Variants in SMYD3 observed in about 807,000 individuals in gnomAD.
The protein encoded by SMYD3 is histone-lysine N-methyltransferase SMYD3.
In SMYD3, 36 loss-of-function variants were observed where a neutral mutation model predicts 57.7. That is an observed-to-expected ratio of 0.62 (90% confidence interval 0.48 to 0.82). The LOEUF is 0.82. Among genes scored for constraint, SMYD3 ranks in the 40% least tolerant of loss-of-function variants. The probability of loss-of-function intolerance (pLI) is 0.00; values close to 1 mark genes in which losing one functional copy is unlikely to be tolerated. For synonymous variants in SMYD3, 211 were observed against 195.0 expected (o/e 1.08, Z -0.68); for missense variants, 515 against 538.8 (o/e 0.96, Z 0.44).
chr1:245,888,263 A>G (rs2053193943), intron 8 of SMYD3, among the ~76,000 whole-genome samples: 1 of 152,068 alleles, frequency 6.6e-6, no homozygotes, highest in Admixed American at 6.6e-5. Context: ...CAAAATATCT[A>G]TTTTTCCTGT....
chr1:246,216,874 A>T (rs1052184143), intron 5 of SMYD3, among the ~76,000 whole-genome samples: 2 of 152,068 alleles, frequency 1.3e-5, no homozygotes, highest in Non-Finnish European at 2.9e-5. Flanking sequence ...CTTGACGGAG[A>T]CGTGGGCACA....
chr1:246,114,725 G>C (rs1375963328), intron 5 of SMYD3, among the ~76,000 whole-genome samples: 1 of 152,178 alleles, frequency 6.6e-6, no homozygotes, highest in Non-Finnish European at 1.5e-5. Flanking sequence ...CTGCCTACCA[G>C]GTTCAAGCAA....
chr1:245,882,481 G>A (rs984663398), intron 8 of SMYD3, among the ~76,000 whole-genome samples: 11 of 152,128 alleles, frequency 7.2e-5, no homozygotes, highest in African/African-American at 2.4e-4. Context: ...TATAATTTTG[G>A]GTAATAGTTC....
chr1:245,800,211 T>C (rs1454471098), intron 10 of SMYD3, among the ~76,000 whole-genome samples: 1 of 152,076 alleles, frequency 6.6e-6, no homozygotes, highest in African/African-American at 2.4e-5. Context: ...GGCCAGCCCC[T>C]CCGGTAGTTC....
At chr1:246,110,901 ACCATGTT>A (rs1201099462) in intron 5 of SMYD3, among the ~76,000 whole-genome samples, 14 of 152,104 alleles carry the variant, frequency 9.2e-5, no homozygotes, top group Non-Finnish European at 1.6e-4. Context: ...TAAACCATGA[ACCATGTT>A]CATGGTTTAG....
intron 8 of SMYD3, among the ~76,000 whole-genome samples, chr1:245,900,609 C>G (rs1572634274): frequency 1.3e-5 from 2 of 152,218 alleles, no homozygotes; most frequent in East Asian, 3.8e-4. Flanking sequence ...TGCACCCCAC[C>G]TACTAAAGCT....
intron 1 of SMYD3, among the ~76,000 whole-genome samples, chr1:246,387,102 T>G (rs1439787831): frequency 2.0e-5 from 3 of 152,130 alleles, no homozygotes. Flanking sequence ...GAAATACTAT[T>G]AAGAAATAAT....
intron 1 of SMYD3, among the ~76,000 whole-genome samples, chr1:246,376,602 A>AAAAC (rs1480804736): frequency 6.6e-6 from 1 of 151,136 alleles, no homozygotes; most frequent in Admixed American, 6.6e-5. Flanking sequence ...AAAAAAAAAA[A>AAAAC]AAAAAAAACT....
chr1:246,260,115 C>A (rs186305156), intron 5 of SMYD3, among the ~76,000 whole-genome samples: 12 of 152,196 alleles, frequency 7.9e-5, no homozygotes, highest in Admixed American at 7.8e-4. Context: ...GATCTCTGCA[C>A]GGGAAGGATG....
chr1:246,160,101 C>T (rs537081145), intron 5 of SMYD3, among the ~76,000 whole-genome samples: 87 of 152,292 alleles, frequency 5.7e-4, no homozygotes, highest in Admixed American at 1.6e-3. Context: ...ATGCCTGTAA[C>T]CCCTGTACTC....
intron 5 of SMYD3, among the ~76,000 whole-genome samples, chr1:246,090,520 CTCT>C (rs1272340530): frequency 1.4e-5 from 2 of 139,826 alleles, no homozygotes; most frequent in Admixed American, 1.5e-4. Context: ...CTTTCTCTCT[CTCT>C]TTTTTTTTTT....
intron 5 of SMYD3, among the ~76,000 whole-genome samples, chr1:246,316,152 A>C: frequency 6.6e-6 from 1 of 152,256 alleles, no homozygotes; most frequent in Non-Finnish European, 1.5e-5. Context: ...AACCTGAGTT[A>C]CATAACCACA....
At chr1:246,190,610 G>C (rs1281915292) in intron 5 of SMYD3, among the ~76,000 whole-genome samples, 1 of 134,648 alleles carries the variant, frequency 7.4e-6, no homozygotes, top group Non-Finnish European at 1.6e-5. Context: ...AAAAAAAAAG[G>C]AAGCATGGGA....
At chr1:245,773,090 T>TAAAAA (rs34679948) in intron 10 of SMYD3, among the ~76,000 whole-genome samples, 2 of 86,254 alleles carry the variant, frequency 2.3e-5, no homozygotes, top group African/African-American at 7.8e-5. Flanking sequence ...GGAGAATCAC[T>TAAAAA]AAAAAAAAAA....
chr1:246,411,672 G>C (rs1235788104), intron 1 of SMYD3, among the ~76,000 whole-genome samples: 2 of 152,182 alleles, frequency 1.3e-5, no homozygotes, highest in East Asian at 3.9e-4. Flanking sequence ...CATGCCCTTT[G>C]TAGGGACATG....
intron 2 of SMYD3, among the ~76,000 whole-genome samples, chr1:246,348,671 C>G (rs1397890677): frequency 6.6e-6 from 1 of 152,094 alleles, no homozygotes; most frequent in Non-Finnish European, 1.5e-5. Context: ...TTTTGGGTGA[C>G]AGGTTCAATC....
intron 5 of SMYD3, among the ~76,000 whole-genome samples, chr1:246,011,717 T>A (rs1340221212): frequency 6.6e-6 from 1 of 152,142 alleles, no homozygotes; most frequent in African/African-American, 2.4e-5. Context: ...TTAATATGGG[T>A]GGAGGGGCAC....
intron 10 of SMYD3, among the ~76,000 whole-genome samples, chr1:245,853,871 C>G (rs2051104261): frequency 6.6e-6 from 1 of 152,134 alleles, no homozygotes; most frequent in South Asian, 2.1e-4. Flanking sequence ...CCACCTGCCC[C>G]CATTTTTTCT....
At chr1:246,110,475 T>G in intron 5 of SMYD3, among the ~76,000 whole-genome samples, 1 of 152,216 alleles carries the variant, frequency 6.6e-6, no homozygotes, top group South Asian at 2.1e-4. Context: ...ACTGTGTGTC[T>G]CGGCTGCTTG....
Sources: allele counts gnomAD v4.1 joint callset (sites outside exome capture counted in the v4.1 genomes callset), GRCh38; gene constraint gnomAD v4.1.1; transcripts MANE v1.5; gene names NCBI Gene and HGNC (gene_info 2026-07-23, HGNC 2026-07-21).